SIAH3: variants seen among roughly 807,000 people sequenced by gnomAD.
SIAH3 encodes the protein seven in absentia homolog 3.
A neutral mutation model predicts 12.6 loss-of-function variants in SIAH3; 9 were observed. That is an observed-to-expected ratio of 0.72 (90% CI 0.43 to 1.25). The LOEUF is 1.25. SIAH3 is among the 50% of genes most tolerant of loss of function. The pLI is 0.00. For missense variants in SIAH3, 390 were observed against 365.4 expected (o/e 1.07, Z -0.55); for synonymous variants, 154 against 151.1 (o/e 1.02, Z -0.14).
At chr13:45,807,553 A>G (rs9526111) in intron 1 of SIAH3, among the ~76,000 whole-genome samples, 52,294 of 152,040 alleles carry the variant, frequency 0.34, 9,703 homozygotes, top group Non-Finnish European at 0.41. Context: ...AGAAAAAAAA[A>G]TCCCCTACTC....
intron 1 of SIAH3, among the ~76,000 whole-genome samples, chr13:45,847,366 A>C (rs1490531342): frequency 6.6e-6 from 1 of 152,184 alleles, no homozygotes; most frequent in Non-Finnish European, 1.5e-5. Flanking sequence ...GGATTTCCAA[A>C]GATTATCCCA....
At chr13:45,846,486 G>A (rs1950760786) in intron 1 of SIAH3, among the ~76,000 whole-genome samples, 1 of 152,164 alleles carries the variant, frequency 6.6e-6, no homozygotes, top group South Asian at 2.1e-4. Context: ...CCAGGTCACT[G>A]TTTCCCTTTG....
chr13:45,833,204 G>C (rs574459018), intron 1 of SIAH3, among the ~76,000 whole-genome samples: 92 of 152,296 alleles, frequency 6.0e-4, no homozygotes, highest in African/African-American at 2.2e-3. Flanking sequence ...TATGCTCATA[G>C]AAGGTGCTCA....
intron 1 of SIAH3, among the ~76,000 whole-genome samples, chr13:45,802,326 A>G (rs914171401): frequency 6.6e-6 from 1 of 152,058 alleles, no homozygotes; most frequent in African/African-American, 2.4e-5. Flanking sequence ...AAAAGCAAGA[A>G]GAAGAAAGTT....
chr13:45,820,106 G>A (rs1334496790), intron 1 of SIAH3, among the ~76,000 whole-genome samples: 1 of 152,194 alleles, frequency 6.6e-6, no homozygotes, highest in Non-Finnish European at 1.5e-5. Context: ...GGAGGAATCC[G>A]CACGACTTAT....
intron 1 of SIAH3, among the ~76,000 whole-genome samples, chr13:45,790,253 CT>C (rs2137550980): frequency 6.6e-6 from 1 of 152,256 alleles, no homozygotes; most frequent in South Asian, 2.1e-4. Flanking sequence ...CATTGTTTAG[CT>C]AGAAAAGAGG....
At chr13:45,790,805 T>G (rs968297117) in intron 1 of SIAH3, among the ~76,000 whole-genome samples, 122 of 152,338 alleles carry the variant, frequency 8.0e-4, no homozygotes, top group African/African-American at 2.9e-3. Context: ...GAATGCTGCC[T>G]CCCTACCTGA....
intron 1 of SIAH3, among the ~76,000 whole-genome samples, chr13:45,786,942 G>C (rs1488245030): frequency 1.3e-5 from 2 of 152,118 alleles, no homozygotes; most frequent in African/African-American, 4.8e-5. Context: ...TTCTTCCCCA[G>C]ATCCATTTTC....
chr13:45,824,113 C>T (rs982880038), intron 1 of SIAH3, among the ~76,000 whole-genome samples: 2 of 152,112 alleles, frequency 1.3e-5, no homozygotes. Context: ...CTTCACCACT[C>T]TATAATTAGG....
chr13:45,826,401 A>ATGGGTGGGTGGCTGGG (rs752565228), intron 1 of SIAH3, among the ~76,000 whole-genome samples: 1 of 58,972 alleles, frequency 1.7e-5, no homozygotes, highest in Non-Finnish European at 3.0e-5. Flanking sequence ...GGATGGATGG[A>ATGGGTGGGTGGCTGGG]TGGATGGATG....
intron 1 of SIAH3, among the ~76,000 whole-genome samples, chr13:45,792,500 GAC>G (rs1477566763): frequency 6.6e-6 from 1 of 152,042 alleles, no homozygotes; most frequent in Non-Finnish European, 1.5e-5. Context: ...TGGGATTACA[GAC>G]AGGTGCCATC....
chr13:45,824,502 G>T (rs1436189889), intron 1 of SIAH3, among the ~76,000 whole-genome samples: 2 of 152,184 alleles, frequency 1.3e-5, no homozygotes, highest in Non-Finnish European at 2.9e-5. Flanking sequence ...AAGCTGGAAG[G>T]CTCTGGGCCT....
chr13:45,845,485 T>C (rs1950756176), intron 1 of SIAH3, among the ~76,000 whole-genome samples: 1 of 152,228 alleles, frequency 6.6e-6, no homozygotes, highest in Admixed American at 6.5e-5. Context: ...CAATTAGTAA[T>C]CATAGTAATA....
At chr13:45,805,488 T>TA (rs1950595821) in intron 1 of SIAH3, among the ~76,000 whole-genome samples, 2 of 152,230 alleles carry the variant, frequency 1.3e-5, no homozygotes, top group South Asian at 4.1e-4. Context: ...AAGGACTCCC[T>TA]ATTCAATAAA....
rs1239032970 is a variant in SIAH3 at position 45,783,615 on chromosome 13, G to A, written c.578C>T (p.Pro193Leu). The A allele has an allele frequency of 1.2e-6, 2 of 1,614,028 alleles. No homozygotes were observed. The highest frequency in any genetic ancestry group is 3.3e-5 in the Admixed American group (2 of 60,004). ...FFATMMLIGTPTQADCFTYRL... is the reference protein window; with the variant it reads ...FFATMMLIGTLTQADCFTYRL... ...ATAGGTGAAGCAGTCGGCCTGGGTG[G>A]GGGTCCCAATCAGCATCATGGTGGC... The change falls in exon 2 of 2, where the codon CCC becomes CTC. Residue 193 changes from proline (P) to leucine (L), a missense_variant. Physicochemically the swap from Pro to Leu is moderately conservative, Grantham distance 98. Coordinates refer to ENST00000400405, the MANE Select transcript of SIAH3 (RefSeq NM_198849.3).
At chr13:45,822,782 C>T (rs953168991) in intron 1 of SIAH3, among the ~76,000 whole-genome samples, 4 of 151,918 alleles carry the variant, frequency 2.6e-5, no homozygotes, top group Admixed American at 1.3e-4. Context: ...AAGACAGAAA[C>T]TCATCATTGT....
intron 1 of SIAH3, among the ~76,000 whole-genome samples, chr13:45,810,462 G>A (rs1244864347): frequency 6.6e-6 from 1 of 152,188 alleles, no homozygotes; most frequent in Non-Finnish European, 1.5e-5. Context: ...GGCAGCTGGT[G>A]TTTGGTGGCT....
intron 1 of SIAH3, among the ~76,000 whole-genome samples, chr13:45,825,593 CT>C (rs1387508294): frequency 1.3e-5 from 2 of 152,204 alleles, no homozygotes; most frequent in Admixed American, 1.3e-4. Flanking sequence ...TCCCAGCTCA[CT>C]TTTCTGCAGA....
At position 45,783,743 on chromosome 13, in the gene SIAH3, G is replaced by A; in HGVS notation, c.450C>T (p.Leu150=). The change falls in exon 2 of 2, where the codon CTC becomes CTT. Residue 150 remains leucine, a synonymous_variant. Coordinates refer to ENST00000400405, the MANE Select transcript of SIAH3 (RefSeq NM_198849.3). ...TGATGATCCAATCAGCCGGCGCGGGGAGGTGCATGTCCGTGGCCAGGAAGA... is the reference window on the plus strand; with the variant it reads ...TGATGATCCAATCAGCCGGCGCGGGAAGGTGCATGTCCGTGGCCAGGAAGA... The part of the protein sequence containing the change: ...EIVFLATDMH[L]PAPADWIIMH... 2 of 1,614,186 alleles carry A rather than the reference G, an allele frequency of 1.2e-6. No individual in the cohort carries two copies. Among genetic ancestry groups the A allele is most frequent in the East Asian group, 4.5e-5 (2 of 44,886 alleles).
Sources: allele counts gnomAD v4.1 joint callset (sites outside exome capture counted in the v4.1 genomes callset), GRCh38; gene constraint gnomAD v4.1.1; transcripts MANE v1.5; gene names NCBI Gene and HGNC (gene_info 2026-07-23, HGNC 2026-07-21).